The following ARHGAP22 variants were observed in gnomAD, a reference collection of about 807,000 sequenced individuals.
The protein encoded by ARHGAP22 is Rho GTPase activating protein 22.
A neutral mutation model predicts 59.1 loss-of-function variants in ARHGAP22; 48 were observed. The observed-to-expected ratio is 0.81, with a 90% CI of 0.64 to 1.03. The LOEUF is 1.03. Ranked by LOEUF, ARHGAP22 falls within the 50% of genes least tolerant of loss-of-function variation. The pLI is 0.00. For synonymous variants in ARHGAP22, 445 were observed against 416.4 expected (o/e 1.07, Z -0.84); for missense variants, 1,015 against 958.7 (o/e 1.06, Z -0.78).
intron 5 of ARHGAP22, among the ~76,000 whole-genome samples, chr10:48,458,902 G>C (rs1263380889): frequency 6.6e-6 from 1 of 152,174 alleles, no homozygotes; most frequent in Non-Finnish European, 1.5e-5. Flanking sequence ...TGACGGGCCT[G>C]GGAAAGAGCT....
At chr10:48,457,901 G>A (rs1176543727) in intron 5 of ARHGAP22, among the ~76,000 whole-genome samples, 1 of 150,522 alleles carries the variant, frequency 6.6e-6, no homozygotes, top group Non-Finnish European at 1.5e-5. Context: ...TTGGAAGTGG[G>A]TGAGGAGGAG....
In ARHGAP22 at chr10:48,453,342, A is replaced by C. The variant is rs756030893; in HGVS notation, c.950T>G (p.Leu317Arg). 9.3e-6 allele frequency: 15 copies of C among 1,614,028 alleles called. No individual in the cohort carries two copies. Among genetic ancestry groups the C allele is most frequent in the Non-Finnish European group, 1.3e-5 (15 of 1,179,974 alleles). Residue 317 changes from leucine (L) to arginine (R), a missense_variant, in exon 8 of 10, where the codon CTG (leucine) becomes CGG (arginine). Coordinates refer to ENST00000249601, the MANE Select transcript of ARHGAP22 (RefSeq NM_021226.4). ...TACTGGGTCCTCTACCTGTGGCCGC[A>C]GAATGTTAGGTCCAAAAACGGTTGC... ...NLATVFGPNI[L>R]RPQVEDPVTI... is the part of the protein sequence containing the mutation.
At chr10:48,537,914 C>T (rs1158262698) in intron 3 of ARHGAP22, among the ~76,000 whole-genome samples, 2 of 152,208 alleles carry the variant, frequency 1.3e-5, no homozygotes, top group Non-Finnish European at 2.9e-5. Context: ...GGTCTTCCGG[C>T]CCCTGAGAGT....
At chr10:48,478,757 T>C (rs2048980197) in intron 4 of ARHGAP22, among the ~76,000 whole-genome samples, 1 of 152,130 alleles carries the variant, frequency 6.6e-6, no homozygotes, top group South Asian at 2.1e-4. Context: ...TCATACCCCA[T>C]GTCCAGACCA....
intron 3 of ARHGAP22, among the ~76,000 whole-genome samples, chr10:48,501,254 G>A (rs1329697253): frequency 6.6e-6 from 1 of 152,254 alleles, no homozygotes; most frequent in Non-Finnish European, 1.5e-5. Flanking sequence ...GTGGCTGGAA[G>A]GCAGGGAAAC....
chr10:48,536,943 C>T (rs764426640), intron 3 of ARHGAP22, among the ~76,000 whole-genome samples: 5 of 152,090 alleles, frequency 3.3e-5, no homozygotes, highest in Non-Finnish European at 7.4e-5. Context: ...AATCACCCCT[C>T]TTCTGCAGGC....
At chr10:48,610,111 G>C (rs534863470) in intron 1 of ARHGAP22, among the ~76,000 whole-genome samples, 7 of 152,114 alleles carry the variant, frequency 4.6e-5, no homozygotes, top group Non-Finnish European at 1.0e-4. Flanking sequence ...GTCTGTCTCC[G>C]CCCTTTGGCT....
chr10:48,566,187 C>T (rs1015037333), intron 2 of ARHGAP22, among the ~76,000 whole-genome samples: 4 of 152,230 alleles, frequency 2.6e-5, no homozygotes, highest in African/African-American at 9.6e-5. Flanking sequence ...AAATCCTCCA[C>T]AGGCAGCATC....
At chr10:48,508,247 T>G (rs1435352576) in intron 3 of ARHGAP22, among the ~76,000 whole-genome samples, 1 of 152,246 alleles carries the variant, frequency 6.6e-6, no homozygotes, top group Non-Finnish European at 1.5e-5. Context: ...CTTTTCCTGC[T>G]GCAGTTGGGT....
At chr10:48,601,375 G>A (rs1287869196) in intron 1 of ARHGAP22, among the ~76,000 whole-genome samples, 2 of 152,186 alleles carry the variant, frequency 1.3e-5, no homozygotes, top group African/African-American at 4.8e-5. Flanking sequence ...CAGCCTTGGG[G>A]CAAAACCCAG....
At chr10:48,606,235 A>G (rs561070272), upstream of ARHGAP22, among the ~76,000 whole-genome samples, 85 of 152,220 alleles carry the variant, frequency 5.6e-4, no homozygotes, top group African/African-American at 1.9e-3. Flanking sequence ...TCCTATTGGT[A>G]TGTAATCAAC....
intron 2 of ARHGAP22, among the ~76,000 whole-genome samples, chr10:48,558,665 C>A (rs2057480872): frequency 6.6e-6 from 1 of 152,158 alleles, no homozygotes; most frequent in South Asian, 2.1e-4. Flanking sequence ...CACCACCCAG[C>A]CTGATTCAAT....
chr10:48,583,231 C>T, intron 1 of ARHGAP22, 79 bp from the exon 2 acceptor site: 9 of 1,514,196 alleles, frequency 5.9e-6, no homozygotes, highest in Non-Finnish European at 7.2e-6. Flanking sequence ...GGTGTCCCAG[C>T]TGCCTCGTGA....
At chr10:48,467,504 A>G (rs1008106707) in intron 4 of ARHGAP22, among the ~76,000 whole-genome samples, 1 of 151,830 alleles carries the variant, frequency 6.6e-6, no homozygotes, top group South Asian at 2.1e-4. Context: ...ACAGTAGCTG[A>G]CCAAAGGTGC....
At chr10:48,568,392 C>T (rs534466238) in intron 2 of ARHGAP22, among the ~76,000 whole-genome samples, 1 of 152,298 alleles carries the variant, frequency 6.6e-6, no homozygotes. Flanking sequence ...GCTTACTGGA[C>T]CATATGGTAG....
rs1438271638 is a variant in ARHGAP22, at chr10:48,446,652, T to C, written c.1869-33A>G. Reference sequence around the variant, plus strand: ...GTCAAGGAGAGATGCTGTTTGAGACTCTGCGGGCCAGGTTCACTGTCCCAT... The same window carrying C: ...GTCAAGGAGAGATGCTGTTTGAGACCCTGCGGGCCAGGTTCACTGTCCCAT... On this transcript the variant is annotated intron_variant, in intron 9 of 9. Transcript: ENST00000249601. 3 of 1,594,436 alleles carry C rather than the reference T, an allele frequency of 1.9e-6. No individual in the cohort carries two copies. The African/African-American group carries it at 4.0e-5, about 21-fold the overall frequency.
At chr10:48,567,933 G>A (rs2058151511) in intron 2 of ARHGAP22, among the ~76,000 whole-genome samples, 1 of 152,176 alleles carries the variant, frequency 6.6e-6, no homozygotes, top group Non-Finnish European at 1.5e-5. Flanking sequence ...AGAGAATTTT[G>A]TCCTTAGCTG....
At chr10:48,434,940 G>A in the ARHGAP22 span, 5 of 1,612,186 alleles carry the variant, frequency 3.1e-6, no homozygotes, top group South Asian at 1.1e-5. Flanking sequence ...TGTCAATGAT[G>A]TGTCTTCAAT....
chr10:48,564,942 C>T (rs559519938), intron 2 of ARHGAP22, among the ~76,000 whole-genome samples: 17 of 152,296 alleles, frequency 1.1e-4, no homozygotes, highest in East Asian at 9.7e-4. Context: ...CCCAGAACAC[C>T]GGATGGTCTG....
Sources: gnomAD v4.1 joint callset for allele counts (sites outside exome capture counted in the v4.1 genomes callset) on GRCh38, gnomAD v4.1.1 for gene constraint, MANE v1.5 for transcripts, NCBI Gene and HGNC (gene_info 2026-07-23, HGNC 2026-07-21) for gene names.